DLG2: variants seen among roughly 807,000 people sequenced by gnomAD.
The protein encoded by DLG2 is discs large MAGUK scaffold protein 2, also known as disks large homolog 2.
DLG2 carries 45 observed loss-of-function variants against 132.5 expected under a neutral mutation model. The ratio of observed to expected loss-of-function variants is 0.34; its 90% CI spans 0.27 to 0.44. The LOEUF (loss-of-function observed/expected upper bound fraction) is 0.44. Ranked by LOEUF, DLG2 falls within the 20% of genes least tolerant of loss-of-function variation. The probability of loss-of-function intolerance (pLI) is 1.00; values close to 1 mark genes in which losing one functional copy is unlikely to be tolerated. For synonymous variants in DLG2, 424 were observed against 419.6 expected, an observed-to-expected ratio of 1.01 and a Z score of -0.13; for missense variants, 1,045 against 1,196.9, an observed-to-expected ratio of 0.87 and a Z score of 1.87.
At chr11:84,371,238 A>T (rs2098705117) in intron 7 of DLG2, among the ~76,000 whole-genome samples, 1 of 151,630 alleles carries the variant, frequency 6.6e-6, no homozygotes, top group South Asian at 2.1e-4. Context: ...AAAGAAAAAA[A>T]ATACATGTAG....
At chr11:84,251,399 C>A in intron 7 of DLG2, 108 bp from the exon 8 acceptor site, 1 of 765,492 alleles carries the variant, frequency 1.3e-6, no homozygotes, top group Non-Finnish European at 2.1e-6. Context: ...TCTTGAGGAC[C>A]TCTACAGGCA....
chr11:84,455,098 AG>A (rs1196414439), intron 7 of DLG2, among the ~76,000 whole-genome samples: 2 of 147,626 alleles, frequency 1.4e-5, no homozygotes, highest in African/African-American at 2.4e-5. Flanking sequence ...TAAAGAAAAC[AG>A]GGGGAAACTA....
intron 4 of DLG2, among the ~76,000 whole-genome samples, chr11:85,175,861 C>A (rs1178770062): frequency 6.6e-6 from 1 of 151,970 alleles, no homozygotes. Flanking sequence ...TTCCCATTCA[C>A]AATTGTCACA....
chr11:84,184,419 G>GT (rs546815331), intron 8 of DLG2, among the ~76,000 whole-genome samples: 3,583 of 150,842 alleles, frequency 0.024, 130 homozygotes, highest in African/African-American at 0.082. Flanking sequence ...TTTTTGATGA[G>GT]TTTTTTTTTC....
rs548936934 is a variant in DLG2 at position 84,962,438 on chromosome 11, C to A, written c.357+149223G>T. ...TACCAATTACTTAGCTTTCCTCACCCTCAGTTTCCTAATATTAAAAAAATA... is the reference window on the plus strand; with the variant it reads ...TACCAATTACTTAGCTTTCCTCACCATCAGTTTCCTAATATTAAAAAAATA... On this transcript the variant is annotated intron_variant, in intron 6 of 27. Transcript: ENST00000376104. Among the ~76,000 whole-genome samples the A allele has an allele frequency of 6.6e-5, 10 of 152,212 alleles. No individual in the cohort carries two copies. In the East Asian group the frequency reaches 1.7e-3, roughly 26 times the overall value.
intron 14 of DLG2, among the ~76,000 whole-genome samples, chr11:83,961,006 T>C (rs147610354): frequency 3.3e-5 from 5 of 152,162 alleles, no homozygotes; most frequent in African/African-American, 1.2e-4. Flanking sequence ...ATCTAAGATA[T>C]TGAGGCATAT....
At chr11:85,178,817 T>C (rs1427411445) in intron 4 of DLG2, among the ~76,000 whole-genome samples, 7 of 151,606 alleles carry the variant, frequency 4.6e-5, no homozygotes, top group Non-Finnish European at 1.0e-4. Flanking sequence ...AACACAACAC[T>C]AAAATGCTGA....
intron 7 of DLG2, among the ~76,000 whole-genome samples, chr11:84,481,840 T>G (rs1015843000): frequency 2.6e-5 from 4 of 152,214 alleles, no homozygotes; most frequent in African/African-American, 9.6e-5. Flanking sequence ...TGCCTCAGTG[T>G]GTAGTAACAT....
At chr11:84,503,187 T>C (rs947447809) in intron 7 of DLG2, among the ~76,000 whole-genome samples, 5 of 152,226 alleles carry the variant, frequency 3.3e-5, no homozygotes, top group African/African-American at 1.2e-4. Flanking sequence ...AACCTTTGCA[T>C]TGGTCTCTTT....
intron 3 of DLG2, among the ~76,000 whole-genome samples, chr11:85,402,322 A>G (rs1477749772): frequency 6.6e-6 from 1 of 152,154 alleles, no homozygotes; most frequent in African/African-American, 2.4e-5. Flanking sequence ...CTTTCCTTAC[A>G]CCTAGACAAA....
At chr11:83,603,288 A>ATTTCTTCCTGATTT (rs1276747153) in intron 19 of DLG2, among the ~76,000 whole-genome samples, 2 of 151,900 alleles carry the variant, frequency 1.3e-5, no homozygotes, top group East Asian at 3.9e-4. Flanking sequence ...TCCATAAGTA[A>ATTTCTTCCTGATTT]CTCTCCTGAA....
intron 10 of DLG2, among the ~76,000 whole-genome samples, chr11:84,090,077 C>T (rs1173456588): frequency 1.3e-5 from 2 of 152,088 alleles, no homozygotes; most frequent in African/African-American, 4.8e-5. Context: ...ATCTATTTTG[C>T]TCTGAAAGAA....
chr11:84,674,122 T>C (rs1429566480), intron 6 of DLG2, among the ~76,000 whole-genome samples: 4 of 152,168 alleles, frequency 2.6e-5, no homozygotes, highest in Admixed American at 6.5e-5. Flanking sequence ...GAAAGCAACA[T>C]AGTGATGAGT....
chr11:84,645,226 G>A (rs975075281), intron 6 of DLG2, among the ~76,000 whole-genome samples: 1 of 152,106 alleles, frequency 6.6e-6, no homozygotes, highest in Admixed American at 6.5e-5. Context: ...ACTATTGAAC[G>A]TCTCTGAACC....
At chr11:83,677,168 G>A (rs1333351406) in intron 18 of DLG2, among the ~76,000 whole-genome samples, 1 of 151,942 alleles carries the variant, frequency 6.6e-6, no homozygotes, top group Non-Finnish European at 1.5e-5. Flanking sequence ...TTTATTAAAA[G>A]TTCAAATGAT....
intron 3 of DLG2, among the ~76,000 whole-genome samples, chr11:85,482,322 C>G (rs1024185153): frequency 1.3e-5 from 2 of 152,168 alleles, no homozygotes; most frequent in Non-Finnish European, 2.9e-5. Context: ...AGCTTGGCTC[C>G]CCTGGCCTTA....
At chr11:85,196,286 A>G (rs2081061251) in intron 4 of DLG2, among the ~76,000 whole-genome samples, 1 of 152,266 alleles carries the variant, frequency 6.6e-6, no homozygotes, top group South Asian at 2.1e-4. Context: ...TTGGATGTGA[A>G]TAGTTTAAGT....
At chr11:83,863,766 T>A (rs1034456784) in intron 16 of DLG2, among the ~76,000 whole-genome samples, 1 of 152,148 alleles carries the variant, frequency 6.6e-6, no homozygotes, top group Non-Finnish European at 1.5e-5. Context: ...AGACTAGTAA[T>A]TGCGGAGCCA....
intron 6 of DLG2, among the ~76,000 whole-genome samples, chr11:85,044,401 A>G (rs528768476): frequency 6.6e-6 from 1 of 152,132 alleles, no homozygotes; most frequent in African/African-American, 2.4e-5. Context: ...TGTGTTTATA[A>G]ATGTTAACTG....
Sources: gnomAD v4.1 joint callset for allele counts (sites outside exome capture counted in the v4.1 genomes callset) on GRCh38, gnomAD v4.1.1 for gene constraint, MANE v1.5 for transcripts, NCBI Gene and HGNC (gene_info 2026-07-23, HGNC 2026-07-21) for gene names.